CDHR3: variants seen among roughly 807,000 people sequenced by gnomAD.
The protein encoded by CDHR3 is cadherin-related family member 3.
A neutral mutation model predicts 86.6 loss-of-function variants in CDHR3; 79 were observed. The ratio of observed to expected loss-of-function variants is 0.91; its 90% confidence interval spans 0.76 to 1.10. The LOEUF (loss-of-function observed/expected upper bound fraction) is 1.10, where lower values mean the gene tolerates loss of function less well. CDHR3 is among the 50% of genes least tolerant of loss of function. CDHR3 has a pLI of 0.00. For synonymous variants in CDHR3, 421 were observed against 402.4 expected (o/e 1.05, Z -0.55); for missense variants, 1,081 against 1,077.6 (o/e 1.00, Z -0.04).
rs748338502 is a variant in CDHR3 at position 106,028,579 on chromosome 7, G to T, written c.2301G>T (p.Val767=). ...GETKTAERDV[V]VETIQMNTIF... ...CGAAGACTGCAGAGAGAGACGTCGT[G>T]GTGGTGAGTATGGGCAGTGTGGGGC... The change falls in exon 17 of 19, where the codon GTG becomes GTT. Residue 767 remains valine, a synonymous_variant. Coordinates refer to ENST00000317716, the MANE Select transcript of CDHR3 (RefSeq NM_152750.5). 6.2e-7 allele frequency: 1 copy of T among 1,613,956 alleles called. No homozygotes were observed. Among genetic ancestry groups the T allele is most frequent in the Non-Finnish European group, 8.5e-7 (1 of 1,179,856 alleles).
In CDHR3 at chr7:106,030,692, G is replaced by C; in HGVS notation, c.2305-100G>C. 1 of 1,086,596 alleles carries C rather than the reference G, an allele frequency of 9.2e-7. No individual in the cohort carries two copies. The highest frequency in any genetic ancestry group is 1.4e-6 in the Non-Finnish European group (1 of 728,114). 67.3% of individuals were successfully genotyped at this position (1,086,596 alleles called of 1,614,324 possible). ...GCCTAATTAAAGACTTAGAAGTCAA[G>C]AAGGCTTTGGTTAAGGAACTTGGGT... On this transcript the variant is annotated intron_variant, in intron 17 of 18. Coordinates refer to ENST00000317716, the MANE Select transcript of CDHR3 (RefSeq NM_152750.5). The surrounding 1 kb of genome is among the most constrained non-coding windows in gnomAD (Gnocchi z 4.8).
At chr7:105,989,102 A>G (rs929960945) in intron 4 of CDHR3, among the ~76,000 whole-genome samples, 15 of 152,184 alleles carry the variant, frequency 9.9e-5, no homozygotes, top group African/African-American at 3.4e-4. Flanking sequence ...GTGGGCATGC[A>G]GGTAGAGCCG....
At chr7:106,016,739 G>A (rs1441195669) in intron 11 of CDHR3, among the ~76,000 whole-genome samples, 1 of 152,216 alleles carries the variant, frequency 6.6e-6, no homozygotes, top group East Asian at 1.9e-4. Context: ...TCTTTAGGAT[G>A]GTCTCCATTT....
At position 106,034,411 on chromosome 7, in the gene CDHR3, C is replaced by T. The variant is rs1196535339; in HGVS notation, c.*1714C>T. Among the ~76,000 whole-genome samples, 1 of 110,378 alleles carries T rather than the reference C, an allele frequency of 9.1e-6. No individual in the cohort carries two copies. Among genetic ancestry groups the T allele is most frequent in the African/African-American group, 3.0e-5 (1 of 32,858 alleles). The allele number at this position is 110,378 out of a possible 152,430, so 72.4% of individuals were successfully genotyped here. On this transcript the variant is annotated 3_prime_UTR_variant, in exon 19 of 19. Transcript: ENST00000317716. ...TCCACAAGGTCCTGTGGGAGACAGA[C>T]TGGATCCAGCAAATGTAGAGCTTCA...
In CDHR3 at chr7:106,035,754, T is replaced by C. The variant is rs527457009; in HGVS notation, c.*3057T>C. The stretch of plus-strand genomic sequence containing the variant: ...AGAGACTGAAGTGGAGTTACAAAGG[T>C]CACGCTCCTGTGCAAACATCTGATT... On this transcript the variant is annotated 3_prime_UTR_variant, in exon 19 of 19. Transcript: ENST00000317716. 6.6e-6 allele frequency: 1 copy of C among 152,148 alleles called. No individual in the cohort carries two copies. The highest frequency in any genetic ancestry group is 2.1e-4 in the South Asian group (1 of 4,818). 9.4% of individuals were successfully genotyped at this position (152,148 alleles called of 1,614,324 possible). A position where few individuals can be genotyped will look rare whatever the true frequency, so the allele number is the denominator to read the frequency against.
At chr7:105,964,188 TAG>T (rs1826497474) in intron 1 of CDHR3, among the ~76,000 whole-genome samples, 2 of 152,192 alleles carry the variant, frequency 1.3e-5, no homozygotes, top group Admixed American at 6.5e-5. Flanking sequence ...TTGTTTTTCT[TAG>T]GAGTATTTTG....
chr7:106,020,602 A>G (rs1585814940), intron 13 of CDHR3, 58 bp downstream of exon 13: 4 of 1,561,128 alleles, frequency 2.6e-6, no homozygotes, highest in Non-Finnish European at 3.5e-6. Context: ...GAAGTTGTCT[A>G]GGGTAGGGGT....
intron 8 of CDHR3, among the ~76,000 whole-genome samples, chr7:106,006,445 T>G (rs997596953): frequency 6.6e-6 from 1 of 152,212 alleles, no homozygotes; most frequent in Non-Finnish European, 1.5e-5. Context: ...TATGAGCCTG[T>G]AAAATCAAAA....
intron 3 of CDHR3, 131 bp downstream of exon 3, chr7:105,981,264 A>G: frequency 1.2e-6 from 1 of 844,138 alleles, no homozygotes; most frequent in South Asian, 1.9e-5. Flanking sequence ...CTTAATGAGC[A>G]GGGAATAAAT....
intron 4 of CDHR3, among the ~76,000 whole-genome samples, chr7:105,992,641 T>G (rs952361811): frequency 3.9e-5 from 6 of 152,228 alleles, no homozygotes; most frequent in Non-Finnish European, 8.8e-5. Context: ...TGTGGTAGGA[T>G]GCTGTGCCAT....
At chr7:106,015,264 A>G (rs760684136) in intron 10 of CDHR3, 51 bp downstream of exon 10, 3 of 1,473,596 alleles carry the variant, frequency 2.0e-6, no homozygotes, top group Non-Finnish European at 1.9e-6. Flanking sequence ...AGTATCAATG[A>G]CCAAACTCTG....
chr7:106,017,435 T>G (rs1192002115), intron 11 of CDHR3, among the ~76,000 whole-genome samples: 1 of 152,010 alleles, frequency 6.6e-6, no homozygotes, highest in Non-Finnish European at 1.5e-5. Context: ...CGTGGGCACC[T>G]GTAATCCCAG....
chr7:106,017,294 C>T (rs529611313), intron 11 of CDHR3, among the ~76,000 whole-genome samples: 4 of 152,108 alleles, frequency 2.6e-5, no homozygotes, highest in South Asian at 2.1e-4. Flanking sequence ...TGGTGGCTGA[C>T]GACTATAATC....
rs1368793840 is a variant in CDHR3 at position 106,035,965 on chromosome 7, C to G, written c.*3268C>G. ...GTCGTGGATTTGGTGAAAGTTTTCT[C>G]CCATCTCCCTCTCAAGGCCTTAAAC... On this transcript the variant is annotated 3_prime_UTR_variant, in exon 19 of 19. Transcript: ENST00000317716. 6.6e-6 allele frequency: 1 copy of G among 152,196 alleles called. No individual in the cohort carries two copies. Among genetic ancestry groups the G allele is most frequent in the Non-Finnish European group, 1.5e-5 (1 of 68,038 alleles). 9.4% of individuals were successfully genotyped at this position (152,196 alleles called of 1,614,324 possible). A position where few individuals can be genotyped will look rare whatever the true frequency, so the allele number is the denominator to read the frequency against.
chr7:105,996,131 G>C (rs1832164747), intron 5 of CDHR3, 119 bp from the exon 6 acceptor site: 3 of 609,438 alleles, frequency 4.9e-6, no homozygotes, highest in South Asian at 4.0e-5. Flanking sequence ...TTACGGAGAG[G>C]CTCACCACCA....
intron 2 of CDHR3, among the ~76,000 whole-genome samples, chr7:105,977,052 A>G (rs1401100669): frequency 6.6e-6 from 1 of 150,864 alleles, no homozygotes; most frequent in Non-Finnish European, 1.5e-5. Context: ...CCTGGGCTCA[A>G]GTGATCCTCT....
At chr7:106,014,422 G>A (rs1835261982) in intron 9 of CDHR3, among the ~76,000 whole-genome samples, 1 of 152,126 alleles carries the variant, frequency 6.6e-6, no homozygotes, top group African/African-American at 2.4e-5. Context: ...GACAATAATA[G>A]TGAATAATAA....
At chr7:105,965,886 T>C (rs1388604063) in intron 1 of CDHR3, among the ~76,000 whole-genome samples, 1 of 152,208 alleles carries the variant, frequency 6.6e-6, no homozygotes, top group Non-Finnish European at 1.5e-5. Context: ...TTTATACTTT[T>C]TGAGTCTGGT....
intron 1 of CDHR3, among the ~76,000 whole-genome samples, chr7:105,972,163 C>A (rs1208577562): frequency 6.6e-6 from 1 of 152,028 alleles, no homozygotes; most frequent in African/African-American, 2.4e-5. Context: ...ATGGTGACAG[C>A]AGTATAATCT....
Sources: gnomAD v4.1 joint callset for allele counts (sites outside exome capture counted in the v4.1 genomes callset) on GRCh38, gnomAD v4.1.1 for gene constraint, Gnocchi (gnomAD v3.1) non-coding constraint, MANE v1.5 for transcripts, NCBI Gene and HGNC (gene_info 2026-07-23, HGNC 2026-07-21) for gene names.